Variants in DIP2C observed in about 807,000 individuals in gnomAD.
DIP2C encodes disco-interacting protein 2 homolog C.
Under a neutral mutation model 192.4 loss-of-function variants are expected in DIP2C, and 33 were observed. The ratio of observed to expected loss-of-function variants is 0.17; its 90% CI spans 0.13 to 0.23. The LOEUF (loss-of-function observed/expected upper bound fraction) is 0.23, where lower values mean the gene tolerates loss of function less well. Ranked by LOEUF, DIP2C falls within the 10% of genes least tolerant of loss-of-function variation. The pLI is 1.00. For synonymous variants in DIP2C, 979 were observed against 864.1 expected (o/e 1.13, Z -2.33); for missense variants, 1,537 against 2,110.1 (o/e 0.73, Z 5.32).
At position 384,583 on chromosome 10, in the gene DIP2C, G is replaced by A. The variant is rs757445710; in HGVS notation, c.1719C>T (p.Asn573=). Residue 573 remains asparagine (N), a synonymous_variant, in exon 15 of 37, where the codon AAC becomes AAT. Coordinates refer to ENST00000280886, the MANE Select transcript of DIP2C (RefSeq NM_014974.3). ...AGACCTTCTGGATCCAGGAGAGAGG[G>A]TTCACCTTCATCAGCGAGTACGGGA... The part of the protein sequence containing the change: ...ISIPYSLMKV[N]PLSWIQKVCQ... The A allele has an allele frequency of 6.2e-7, 1 of 1,613,942 alleles. No homozygotes were observed. Among genetic ancestry groups the A allele is most frequent in the South Asian group, 1.1e-5 (1 of 91,076 alleles).
Position 666,702 on chromosome 10 carries a change from T to C in DIP2C, c.85+22792A>G, listed in dbSNP as rs1043205834. On this transcript the variant is annotated intron_variant, in intron 1 of 36. Coordinates refer to ENST00000280886, the MANE Select transcript of DIP2C (RefSeq NM_014974.3). This position sits in a 1 kb window ranked among gnomAD's most constrained non-coding sequence, Gnocchi z 4.1. ...ACGTGGTGGCAGCAGCTGAACTGGCTACCACAGGACGCAGCTGGGGTCTGG... is the reference window on the plus strand; with the variant it reads ...ACGTGGTGGCAGCAGCTGAACTGGCCACCACAGGACGCAGCTGGGGTCTGG... 11 of 152,438 alleles carry C rather than the reference T, an allele frequency of 7.2e-5. No homozygotes were observed. Among genetic ancestry groups the C allele is most frequent in the African/African-American group, 2.7e-4 (11 of 41,420 alleles). 9.4% of individuals were successfully genotyped at this position (152,438 alleles called of 1,614,324 possible). A position where few individuals can be genotyped will look rare whatever the true frequency, so the allele number is the denominator to read the frequency against.
intron 7 of DIP2C, among the ~76,000 whole-genome samples, chr10:415,246 G>C (rs907885026): frequency 5.3e-5 from 8 of 152,074 alleles, no homozygotes; most frequent in Non-Finnish European, 1.2e-4. Context: ...GTTTCTACTT[G>C]TGGTTTAACA....
chr10:650,092 T>C (rs1341366129), intron 1 of DIP2C: 4 of 716,338 alleles, frequency 5.6e-6, no homozygotes, highest in Non-Finnish European at 7.8e-6. Flanking sequence ...AGAAAATAGC[T>C]TGACACCTCC....
At chr10:400,176 C>T (rs1964303010) in intron 9 of DIP2C, among the ~76,000 whole-genome samples, 2 of 150,562 alleles carry the variant, frequency 1.3e-5, no homozygotes, top group South Asian at 4.2e-4. Flanking sequence ...GTGAGCACTA[C>T]TGCATGCAGC....
intron 1 of DIP2C, among the ~76,000 whole-genome samples, chr10:514,746 G>A (rs1203579117): frequency 2.0e-5 from 3 of 151,900 alleles, no homozygotes; most frequent in South Asian, 2.1e-4. Flanking sequence ...CTTGGAGGAT[G>A]CCCGTATCAA....
chr10:667,770 A>G (rs979207885), intron 1 of DIP2C: 2 of 152,414 alleles, frequency 1.3e-5, no homozygotes, highest in Non-Finnish European at 2.9e-5. Context: ...CATAACATGC[A>G]CATACAACAC....
intron 1 of DIP2C, among the ~76,000 whole-genome samples, chr10:533,356 T>TG (rs368513526): frequency 6.4e-4 from 97 of 152,204 alleles, no homozygotes; most frequent in African/African-American, 2.3e-3. Context: ...CACAGGCAGG[T>TG]GCTCAGGGGG....
chr10:504,710 C>A (rs1044285548), intron 1 of DIP2C, among the ~76,000 whole-genome samples: 5 of 152,250 alleles, frequency 3.3e-5, no homozygotes, highest in African/African-American at 1.2e-4. Context: ...AAATTTAGTA[C>A]ATCTTACTGT....
rs996557229 is a variant in DIP2C at position 439,287 on chromosome 10, G to A, written c.394+1584C>T. ...GCCCGCTAGCATTTGCTAGCACGGCGTTCACTCCCTTGCCAACAACCTTGC... is the reference window on the plus strand; with the variant it reads ...GCCCGCTAGCATTTGCTAGCACGGCATTCACTCCCTTGCCAACAACCTTGC... On this transcript the variant is annotated intron_variant, in intron 4 of 36. Transcript: ENST00000280886. 1.5e-4 allele frequency among the ~76,000 whole-genome samples: 22 copies of A among 143,928 alleles called. No individual in the cohort carries two copies. In the East Asian group the frequency reaches 3.6e-3, roughly 23 times the overall value. 94.4% of individuals were successfully genotyped at this position (143,928 alleles called of 152,430 possible).
chr10:420,880 G>C (rs1318866373), intron 5 of DIP2C, among the ~76,000 whole-genome samples: 1 of 152,154 alleles, frequency 6.6e-6, no homozygotes, highest in Non-Finnish European at 1.5e-5. Flanking sequence ...CCTTGCCGGA[G>C]GGATCGGCCA....
At chr10:538,746 TTC>T (rs1318725432) in intron 1 of DIP2C, among the ~76,000 whole-genome samples, 1 of 152,204 alleles carries the variant, frequency 6.6e-6, no homozygotes, top group African/African-American at 2.4e-5. Context: ...TTGAAAACGT[TTC>T]TTTTTAACAA....
Position 277,174 on chromosome 10 carries a change from T to C in DIP2C, c.*151A>G. ...ACCCCCATGCCAATCGTGGCTGCTG[T>C]GAGAAGTCCTCTTCCTCCTCCTCTT... On this transcript the variant is annotated 3_prime_UTR_variant, in exon 37 of 37. Coordinates refer to ENST00000280886, the MANE Select transcript of DIP2C (RefSeq NM_014974.3). The C allele has an allele frequency of 8.4e-7, 1 of 1,185,814 alleles. No homozygotes were observed. The highest frequency in any genetic ancestry group is 1.2e-6 in the Non-Finnish European group (1 of 858,440). The allele number at this position is 1,185,814 out of a possible 1,614,324, so 73.5% of individuals were successfully genotyped here.
At chr10:358,039 A>G (rs749503041) in intron 22 of DIP2C, 102 bp from the exon 23 acceptor site, 24 of 775,880 alleles carry the variant, frequency 3.1e-5, no homozygotes, top group South Asian at 1.1e-4. Context: ...AAACTTCTGG[A>G]AAGACCTGGC....
intron 4 of DIP2C, among the ~76,000 whole-genome samples, chr10:436,293 G>T (rs1045066896): frequency 6.6e-6 from 1 of 152,248 alleles, no homozygotes; most frequent in African/African-American, 2.4e-5. Context: ...AGCACGCTCA[G>T]GATCCCATAA....
rs1469046748 is a variant in DIP2C at position 274,451 on chromosome 10, ACTG to A, written c.*2871_*2873del. ...ATCTTTCCAGGGGACCAATTAAGAA[ACTG>A]CTATTTTCAGAGCAACAAAAATAAA... On this transcript the variant is annotated 3_prime_UTR_variant, in exon 37 of 37. Coordinates refer to ENST00000280886, the MANE Select transcript of DIP2C (RefSeq NM_014974.3). 1 of 152,164 alleles carries A rather than the reference ACTG, an allele frequency of 6.6e-6. No homozygotes were observed. The highest frequency in any genetic ancestry group is 1.5e-5 in the Non-Finnish European group (1 of 68,030). The allele number at this position is 152,164 out of a possible 1,614,324, so 9.4% of individuals were successfully genotyped here. A position where few individuals can be genotyped will look rare whatever the true frequency, so the allele number is the denominator to read the frequency against.
intron 16 of DIP2C, among the ~76,000 whole-genome samples, chr10:383,800 CCTT>C (rs1314300697): frequency 6.6e-6 from 1 of 152,042 alleles, no homozygotes; most frequent in Non-Finnish European, 1.5e-5. Context: ...AAATGCCTGT[CCTT>C]ATTATGCCAT....
intron 1 of DIP2C, among the ~76,000 whole-genome samples, chr10:559,296 G>A (rs945740201): frequency 6.0e-5 from 9 of 150,918 alleles, no homozygotes; most frequent in African/African-American, 2.2e-4. Context: ...GCCTCGGCCT[G>A]GAACAGCTGG....
chr10:356,460 G>C lies in DIP2C; in HGVS notation c.2951C>G (p.Pro984Arg). 1.2e-6 allele frequency: 2 copies of C among 1,612,122 alleles called. No individual in the cohort carries two copies. Among genetic ancestry groups the C allele is most frequent in the African/African-American group, 1.3e-5 (1 of 75,066 alleles). ...GAGCAGCGTGTAGAGGATGTGGTCC[G>C]GGGTGGTCTGTGCTCTCCACTGCAA... ...EVLQWRAQTT[P>R]DHILYTLLNC... is the part of the protein sequence containing the mutation. The change falls in exon 24 of 37, where the codon CCG becomes CGG. Residue 984 changes from proline to arginine, a missense_variant. Physicochemically the swap from Pro to Arg is moderately radical, Grantham distance 103. Around this residue, in one of 4 missense-constraint regions of DIP2C, gnomAD observed 677 missense variants for 989.9 expected, o/e 0.68. Coordinates refer to ENST00000280886, the MANE Select transcript of DIP2C (RefSeq NM_014974.3).
intron 17 of DIP2C, among the ~76,000 whole-genome samples, chr10:372,264 G>A (rs56804442): frequency 0.23 from 34,292 of 151,840 alleles, 4,704 homozygotes; most frequent in African/African-American, 0.39. Flanking sequence ...TAGTAGAGAC[G>A]GGGTTTCACC....
Sources: allele counts gnomAD v4.1 joint callset (sites outside exome capture counted in the v4.1 genomes callset), GRCh38; gene constraint gnomAD v4.1.1; regional missense constraint gnomAD v4.1.1; non-coding constraint Gnocchi (gnomAD v3.1); transcripts MANE v1.5; gene names NCBI Gene and HGNC (gene_info 2026-07-23, HGNC 2026-07-21).